ZMAT4: variants seen among roughly 807,000 people sequenced by gnomAD.
The protein encoded by ZMAT4 is zinc finger matrin-type protein 4.
ZMAT4 carries 17 observed loss-of-function variants against 28.7 expected under a neutral mutation model. The ratio of observed to expected loss-of-function variants is 0.59; its 90% CI spans 0.41 to 0.89. The LOEUF is 0.89. Ranked by LOEUF, ZMAT4 falls within the 40% of genes least tolerant of loss-of-function variation. The pLI, the probability that ZMAT4 is intolerant of heterozygous loss-of-function variation, is 0.00. For missense variants in ZMAT4, 240 were observed against 283.8 expected (o/e 0.85, Z 1.11); for synonymous variants, 117 against 109.2 (o/e 1.07, Z -0.44).
intron 5 of ZMAT4, among the ~76,000 whole-genome samples, chr8:40,590,146 A>G (rs1804840795): frequency 6.6e-6 from 1 of 151,050 alleles, no homozygotes. Context: ...CAGCCTCCTT[A>G]GTATTCTGCT....
chr8:40,702,265 G>A (rs1585904557), intron 3 of ZMAT4, among the ~76,000 whole-genome samples: 1 of 152,302 alleles, frequency 6.6e-6, no homozygotes, highest in East Asian at 1.9e-4. Context: ...TTTCATTAGA[G>A]TATCTTGCTG....
chr8:40,703,730 T>C (rs1269636009), intron 3 of ZMAT4, among the ~76,000 whole-genome samples: 1 of 152,106 alleles, frequency 6.6e-6, no homozygotes, highest in Non-Finnish European at 1.5e-5. Flanking sequence ...AATAGGTGAG[T>C]TTTGTGACAT....
At position 40,733,788 on chromosome 8, in the gene ZMAT4, C is replaced by T. The variant is rs141899361; in HGVS notation, c.192+33853G>A. On this transcript the variant is annotated intron_variant, in intron 3 of 6. Coordinates refer to ENST00000297737, the MANE Select transcript of ZMAT4 (RefSeq NM_024645.3). ...AGCAGGAATGAAGAGTTTTCTATTACTCAACAACTCTCGTTCATTCATTCA... is the reference window on the plus strand; with the variant it reads ...AGCAGGAATGAAGAGTTTTCTATTATTCAACAACTCTCGTTCATTCATTCA... Among the ~76,000 whole-genome samples, 674 of 152,292 alleles carry T rather than the reference C, an allele frequency of 4.4e-3. 3 individuals are homozygous for T. The highest frequency in any genetic ancestry group is 0.015 in the African/African-American group (643 of 41,554).
chr8:40,576,576 G>C (rs991899815), intron 6 of ZMAT4, among the ~76,000 whole-genome samples: 1 of 149,000 alleles, frequency 6.7e-6, no homozygotes, highest in Non-Finnish European at 1.5e-5. Context: ...TACCCTGGAA[G>C]GCTATTCTTC....
chr8:40,681,371 A>T (rs930257681), intron 4 of ZMAT4, among the ~76,000 whole-genome samples: 2 of 152,196 alleles, frequency 1.3e-5, no homozygotes, highest in Admixed American at 1.3e-4. Flanking sequence ...CCTATGATAA[A>T]CTGCCTTTAT....
intron 5 of ZMAT4, among the ~76,000 whole-genome samples, chr8:40,657,365 T>TG (rs36032020): frequency 0.84 from 128,398 of 152,056 alleles, 55,096 homozygotes; most frequent in Non-Finnish European, 0.92. Context: ...ACAGATGTGC[T>TG]GGCAACAAAT....
intron 3 of ZMAT4, among the ~76,000 whole-genome samples, chr8:40,700,056 A>G (rs1585900015): frequency 6.6e-6 from 1 of 152,208 alleles, no homozygotes; most frequent in African/African-American, 2.4e-5. Context: ...TATGGTATGT[A>G]TTTACCCAAC....
At chr8:40,788,978 A>C (rs953385740) in intron 2 of ZMAT4, among the ~76,000 whole-genome samples, 2 of 119,604 alleles carry the variant, frequency 1.7e-5, no homozygotes, top group Non-Finnish European at 1.7e-5. Context: ...GAAGGGAGGG[A>C]GGGAGGGAGG....
At chr8:40,542,152 T>C (rs1803056328) in intron 6 of ZMAT4, among the ~76,000 whole-genome samples, 1 of 151,882 alleles carries the variant, frequency 6.6e-6, no homozygotes, top group Admixed American at 6.6e-5. Flanking sequence ...ATGTGGTAGG[T>C]TGCTGAGAAG....
intron 2 of ZMAT4, among the ~76,000 whole-genome samples, chr8:40,786,073 G>C (rs1044194186): frequency 1.3e-5 from 2 of 152,166 alleles, no homozygotes; most frequent in Non-Finnish European, 2.9e-5. Context: ...TGTGGCTGTG[G>C]ATTCCTTTCT....
chr8:40,896,030 A>C (rs1011867455), intron 1 of ZMAT4, among the ~76,000 whole-genome samples: 4 of 152,200 alleles, frequency 2.6e-5, no homozygotes, highest in Non-Finnish European at 5.9e-5. Flanking sequence ...TCAGATAGGA[A>C]GTACAGAAGA....
chr8:40,821,164 G>A (rs977792191), intron 2 of ZMAT4, among the ~76,000 whole-genome samples: 10 of 151,906 alleles, frequency 6.6e-5, no homozygotes, highest in Middle Eastern at 3.4e-3. Flanking sequence ...TTTTTCCTAC[G>A]TTGCAGAAAA....
chr8:40,809,702 AATAG>A (rs1389449569), intron 2 of ZMAT4, among the ~76,000 whole-genome samples: 4 of 152,302 alleles, frequency 2.6e-5, no homozygotes, highest in African/African-American at 7.2e-5. Context: ...TTTAAAATTG[AATAG>A]ATAGATAGAT....
chr8:40,667,847 A>G (rs1428906167), intron 5 of ZMAT4, among the ~76,000 whole-genome samples: 1 of 140,432 alleles, frequency 7.1e-6, no homozygotes, highest in African/African-American at 2.6e-5. Context: ...AAAAAAAAAA[A>G]ACAACAAAAA....
chr8:40,629,647 A>T (rs1159294603), intron 5 of ZMAT4, among the ~76,000 whole-genome samples: 2 of 148,140 alleles, frequency 1.4e-5, no homozygotes, highest in East Asian at 4.0e-4. Flanking sequence ...ATGAGTGAGA[A>T]CATGCGGTGT....
At chr8:40,732,412 T>A (rs1055186602) in intron 3 of ZMAT4, among the ~76,000 whole-genome samples, 3 of 152,008 alleles carry the variant, frequency 2.0e-5, no homozygotes, top group Non-Finnish European at 4.4e-5. Context: ...GCCAGCACAA[T>A]GAGGTGCCAG....
At position 40,618,682 on chromosome 8, in the gene ZMAT4, T is replaced by C. The variant is rs1411588053; in HGVS notation, c.578-37421A>G. The stretch of plus-strand genomic sequence containing the variant: ...TAGAAAAAAAAAAAAAAGAAATGAC[T>C]GGTTTCCCAGGTCAGATCCATACAG... On this transcript the variant is annotated intron_variant, in intron 5 of 6. Transcript: ENST00000297737. Among the ~76,000 whole-genome samples, 6 of 147,578 alleles carry C rather than the reference T, an allele frequency of 4.1e-5. No individual in the cohort carries two copies. The East Asian group carries it at 1.2e-3, about 29-fold the overall frequency.
At chr8:40,783,192 G>A (rs1813915176) in intron 2 of ZMAT4, among the ~76,000 whole-genome samples, 1 of 152,202 alleles carries the variant, frequency 6.6e-6, no homozygotes. Flanking sequence ...TAAAACTGCA[G>A]TATATCCTAT....
Position 40,532,066 on chromosome 8 carries a change from C to A in ZMAT4, c.*157G>T. On this transcript the variant is annotated 3_prime_UTR_variant, in exon 7 of 7. Transcript: ENST00000297737. Reference sequence around the variant, plus strand: ...GGAAAAAGAAAAAAGAAACCTCATTCATTTCCAAAAATCAAGATCAGTCGT... The same window carrying A: ...GGAAAAAGAAAAAAGAAACCTCATTAATTTCCAAAAATCAAGATCAGTCGT... 1.7e-6 allele frequency: 1 copy of A among 580,800 alleles called. No homozygotes were observed. 36.0% of individuals were successfully genotyped at this position (580,800 alleles called of 1,614,324 possible). A position where few individuals can be genotyped will look rare whatever the true frequency, so the allele number is the denominator to read the frequency against.
Sources: allele counts gnomAD v4.1 joint callset (sites outside exome capture counted in the v4.1 genomes callset), GRCh38; gene constraint gnomAD v4.1.1; transcripts MANE v1.5; gene names NCBI Gene and HGNC (gene_info 2026-07-23, HGNC 2026-07-21).